Variants in PIWIL4 observed in about 807,000 individuals in gnomAD.
PIWIL4 encodes the protein piwi-like protein 4.
In PIWIL4, 50 loss-of-function variants were observed where a neutral mutation model predicts 100.9. That is an observed-to-expected ratio of 0.50 (90% CI 0.39 to 0.63). The LOEUF (loss-of-function observed/expected upper bound fraction) is 0.63, where lower values mean the gene tolerates loss of function less well. PIWIL4 is among the 20% of genes least tolerant of loss of function. PIWIL4 has a pLI of 0.00. For missense variants in PIWIL4, 887 were observed against 1,043.3 expected (o/e 0.85, Z 2.06); for synonymous variants, 342 against 367.5 (o/e 0.93, Z 0.79).
At chr11:94,615,180 C>A (rs1035962482) in intron 15 of PIWIL4, among the ~76,000 whole-genome samples, 1 of 152,174 alleles carries the variant, frequency 6.6e-6, no homozygotes, top group East Asian at 1.9e-4. Context: ...CTCCTAACCT[C>A]CCAGCTGTGC....
intron 11 of PIWIL4, among the ~76,000 whole-genome samples, chr11:94,599,438 A>G (rs755473138): frequency 3.9e-5 from 6 of 152,196 alleles, no homozygotes; most frequent in Non-Finnish European, 8.8e-5. Flanking sequence ...TGAATGAACT[A>G]AAAGTTCATA....
chr11:94,579,341 T>C (rs1022186402), intron 4 of PIWIL4, among the ~76,000 whole-genome samples: 1 of 152,244 alleles, frequency 6.6e-6, no homozygotes, highest in Non-Finnish European at 1.5e-5. Context: ...ATTTGACATA[T>C]TCAGTCCTAA....
chr11:94,618,460 T>C (rs1948869370), intron 17 of PIWIL4, among the ~76,000 whole-genome samples: 1 of 152,168 alleles, frequency 6.6e-6, no homozygotes, highest in Admixed American at 6.5e-5. Context: ...CAAACCGTGA[T>C]TTCAAATTCA....
At chr11:94,601,691 G>A in intron 11 of PIWIL4, 104 bp from the exon 12 acceptor site, 13 of 1,089,726 alleles carry the variant, frequency 1.2e-5, no homozygotes, top group Non-Finnish European at 1.7e-5. Context: ...ATAGCAAACT[G>A]TGTTAAACAG....
At chr11:94,608,538 A>T (rs1042330860) in intron 14 of PIWIL4, 45 bp from the exon 15 acceptor site, 3 of 1,526,300 alleles carry the variant, frequency 2.0e-6, no homozygotes, top group Middle Eastern at 3.4e-4. Context: ...TGGTAGGGGA[A>T]ATGATACCTC....
chr11:94,598,513 A>T (rs144448602), intron 11 of PIWIL4, among the ~76,000 whole-genome samples: 5 of 152,120 alleles, frequency 3.3e-5, no homozygotes, highest in Admixed American at 2.6e-4. Flanking sequence ...GAACCTATTA[A>T]TATTTTACGC....
At chr11:94,611,647 C>T (rs1179882428) in intron 15 of PIWIL4, among the ~76,000 whole-genome samples, 2 of 152,110 alleles carry the variant, frequency 1.3e-5, no homozygotes, top group Non-Finnish European at 2.9e-5. Context: ...ATTGCCCTCC[C>T]CATGGTAATG....
At position 94,568,710 on chromosome 11, in the gene PIWIL4, A is replaced by G. The variant is rs994873348; in HGVS notation, c.88-20A>G. ...ACTTACCATTGTAAATCTGAACAAA[A>G]CTTTTTTTTGCCATTTTAGCCTAGA... On this transcript the variant is annotated intron_variant, in intron 1 of 19. Coordinates refer to ENST00000299001, the MANE Select transcript of PIWIL4 (RefSeq NM_152431.3). The G allele has an allele frequency of 6.4e-7, 1 of 1,556,940 alleles. No homozygotes were observed. The highest frequency in any genetic ancestry group is 8.9e-7 in the Non-Finnish European group (1 of 1,128,270).
intron 2 of PIWIL4, among the ~76,000 whole-genome samples, chr11:94,572,930 G>A (rs955997415): frequency 4.6e-5 from 7 of 152,214 alleles, no homozygotes; most frequent in African/African-American, 1.4e-4. Context: ...AGCGTGGAAT[G>A]TTCTTCCATC....
At chr11:94,600,771 A>G (rs1435356573) in intron 11 of PIWIL4, among the ~76,000 whole-genome samples, 1 of 152,102 alleles carries the variant, frequency 6.6e-6, no homozygotes, top group Non-Finnish European at 1.5e-5. Flanking sequence ...AGCCACGCCC[A>G]GGGGGGCCAG....
At position 94,567,505 on chromosome 11, in the gene PIWIL4, G is replaced by T; in HGVS notation, c.-14G>T. The T allele has an allele frequency of 1.3e-6, 2 of 1,568,774 alleles. No homozygotes were observed. Among genetic ancestry groups the T allele is most frequent in the Non-Finnish European group, 8.7e-7 (1 of 1,155,958 alleles). ...CTTTGCAGCTCTTGTGGCCACTCTGGGCTCACCGGGAACATGAGTGGAAGA... is the reference window on the plus strand; with the variant it reads ...CTTTGCAGCTCTTGTGGCCACTCTGTGCTCACCGGGAACATGAGTGGAAGA... On this transcript the variant is annotated 5_prime_UTR_variant, in exon 1 of 20. Coordinates refer to ENST00000299001, the MANE Select transcript of PIWIL4 (RefSeq NM_152431.3).
intron 15 of PIWIL4, among the ~76,000 whole-genome samples, chr11:94,608,922 C>G (rs1297856993): frequency 6.6e-6 from 1 of 152,122 alleles, no homozygotes; most frequent in Admixed American, 6.5e-5. Context: ...CTCATCTTCC[C>G]CAAATGATAG....
intron 17 of PIWIL4, 48 bp from the exon 18 acceptor site, chr11:94,619,712 T>C (rs768811832): frequency 3.2e-6 from 5 of 1,567,374 alleles, no homozygotes; most frequent in Non-Finnish European, 4.3e-6. Context: ...TAGAAAGCTA[T>C]ATAGATTGGA....
chr11:94,596,652 C>T (rs1202143025), intron 10 of PIWIL4, among the ~76,000 whole-genome samples: 2 of 152,010 alleles, frequency 1.3e-5, no homozygotes, highest in African/African-American at 2.4e-5. Context: ...AGACTTATGC[C>T]GAATTGAGAA....
intron 10 of PIWIL4, among the ~76,000 whole-genome samples, chr11:94,597,057 T>A (rs947216998): frequency 6.6e-6 from 1 of 152,198 alleles, no homozygotes; most frequent in African/African-American, 2.4e-5. Context: ...TCAGTGGAAG[T>A]TATCATATAC....
chr11:94,614,308 T>C (rs1327493226), intron 15 of PIWIL4, among the ~76,000 whole-genome samples: 5 of 150,126 alleles, frequency 3.3e-5, no homozygotes, highest in Non-Finnish European at 7.4e-5. Context: ...TTCTTTTTTT[T>C]TTTTTTTTTC....
intron 2 of PIWIL4, among the ~76,000 whole-genome samples, chr11:94,571,615 T>C (rs1411519589): frequency 3.9e-5 from 6 of 152,234 alleles, no homozygotes; most frequent in African/African-American, 1.4e-4. Context: ...GGACATGAAC[T>C]CATCCTTTTT....
At chr11:94,589,367 T>G in intron 8 of PIWIL4, 135 bp downstream of exon 8, 1 of 681,178 alleles carries the variant, frequency 1.5e-6, no homozygotes, top group Non-Finnish European at 2.5e-6. Flanking sequence ...GTCTCTCTCC[T>G]TCATCCCCAC....
chr11:94,585,577 C>T (rs780568934), intron 6 of PIWIL4, 52 bp downstream of exon 6: 34 of 1,386,034 alleles, frequency 2.5e-5, no homozygotes, highest in Non-Finnish European at 3.2e-5. Flanking sequence ...ATGTGAGCAA[C>T]ATAATTTATG....
Sources: gnomAD v4.1 joint callset for allele counts (sites outside exome capture counted in the v4.1 genomes callset) on GRCh38, gnomAD v4.1.1 for gene constraint, MANE v1.5 for transcripts, NCBI Gene and HGNC (gene_info 2026-07-23, HGNC 2026-07-21) for gene names.